RNF180: variants seen among roughly 807,000 people sequenced by gnomAD.
The protein encoded by RNF180 is ring finger protein 180.
A neutral mutation model predicts 59.2 loss-of-function variants in RNF180; 38 were observed. The ratio of observed to expected loss-of-function variants is 0.64; its 90% CI spans 0.50 to 0.84. The LOEUF (loss-of-function observed/expected upper bound fraction) is 0.84. Ranked by LOEUF, RNF180 falls within the 40% of genes least tolerant of loss-of-function variation. RNF180 has a pLI of 0.00. For missense variants in RNF180, 705 were observed against 700.9 expected (o/e 1.01, Z -0.07); for synonymous variants, 262 against 240.3 (o/e 1.09, Z -0.84).
intron 5 of RNF180, among the ~76,000 whole-genome samples, chr5:64,227,454 GC>G (rs1580058440): frequency 6.6e-6 from 1 of 152,308 alleles, no homozygotes; most frequent in East Asian, 1.9e-4. Context: ...GGCACCTGGA[GC>G]CCCGCCCTCC....
intron 5 of RNF180, among the ~76,000 whole-genome samples, chr5:64,256,918 G>T (rs558114658): frequency 6.6e-6 from 1 of 152,048 alleles, no homozygotes; most frequent in Admixed American, 6.6e-5. Flanking sequence ...GGTCCTTCAC[G>T]TCCCTTGTAA....
At chr5:64,279,010 T>C (rs1741866307) in intron 5 of RNF180, among the ~76,000 whole-genome samples, 1 of 152,134 alleles carries the variant, frequency 6.6e-6, no homozygotes, top group Non-Finnish European at 1.5e-5. Flanking sequence ...GATTAACAAG[T>C]AGTGGTTGAA....
intron 1 of RNF180, among the ~76,000 whole-genome samples, chr5:64,178,199 T>A (rs1289940767): frequency 1.7e-5 from 1 of 59,106 alleles, no homozygotes; most frequent in African/African-American, 6.2e-5. Context: ...CTAGACTCCA[T>A]CTCAAAAAAA....
At chr5:64,228,422 G>A (rs1367634193) in intron 5 of RNF180, among the ~76,000 whole-genome samples, 4 of 152,186 alleles carry the variant, frequency 2.6e-5, no homozygotes, top group Non-Finnish European at 5.9e-5. Context: ...GATGAGGTGG[G>A]AGGATCGCTT....
intron 5 of RNF180, among the ~76,000 whole-genome samples, chr5:64,248,331 T>C (rs1023675334): frequency 1.1e-4 from 17 of 152,074 alleles, no homozygotes; most frequent in Non-Finnish European, 2.1e-4. Context: ...ACCTACAGAA[T>C]GGAAGAAAAT....
At position 64,370,033 on chromosome 5, in the gene RNF180, C is replaced by T. The variant is rs902612128; in HGVS notation, c.*219C>T. 1.3e-4 allele frequency: 41 copies of T among 326,280 alleles called. No individual in the cohort carries two copies. The highest frequency in any genetic ancestry group is 1.9e-4 in the Non-Finnish European group (34 of 181,046). The allele number at this position is 326,280 out of a possible 1,614,324, so 20.2% of individuals were successfully genotyped here. A position where few individuals can be genotyped will look rare whatever the true frequency, so the allele number is the denominator to read the frequency against. Reference sequence around the variant, plus strand: ...ACCTACCCAGCACTTAGCAACAATGCACTATTAATTTCATAGTTGTTCTTG... The same window carrying T: ...ACCTACCCAGCACTTAGCAACAATGTACTATTAATTTCATAGTTGTTCTTG... On this transcript the variant is annotated 3_prime_UTR_variant, in exon 8 of 8. Coordinates refer to ENST00000389100, the MANE Select transcript of RNF180 (RefSeq NM_001113561.2).
At chr5:64,326,669 C>T (rs538324741) in intron 6 of RNF180, among the ~76,000 whole-genome samples, 7 of 152,162 alleles carry the variant, frequency 4.6e-5, no homozygotes, top group African/African-American at 1.2e-4. Flanking sequence ...GGATAAATCC[C>T]GCTTGGTCAT....
At chr5:64,233,984 A>G (rs1179228825) in intron 5 of RNF180, among the ~76,000 whole-genome samples, 1 of 152,206 alleles carries the variant, frequency 6.6e-6, no homozygotes, top group East Asian at 1.9e-4. Context: ...GAGAGGCAGT[A>G]TAATATATTG....
At chr5:64,234,473 AAAAT>A (rs1417094189) in intron 5 of RNF180, among the ~76,000 whole-genome samples, 3 of 148,830 alleles carry the variant, frequency 2.0e-5, no homozygotes, top group Admixed American at 6.6e-5. Context: ...CTCAAAAATA[AAAAT>A]AAATAAAGTT....
chr5:64,320,285 TG>T (rs2112507134), intron 5 of RNF180, among the ~76,000 whole-genome samples: 1 of 152,294 alleles, frequency 6.6e-6, no homozygotes, highest in African/African-American at 2.4e-5. Context: ...GACAACACCA[TG>T]GGAACTCCTT....
At chr5:64,264,119 A>G (rs1744516950) in intron 5 of RNF180, among the ~76,000 whole-genome samples, 1 of 152,102 alleles carries the variant, frequency 6.6e-6, no homozygotes, top group African/African-American at 2.4e-5. Flanking sequence ...TTGATGGATT[A>G]TGAAATCTCT....
At chr5:64,329,457 C>CTTT (rs558648872) in intron 6 of RNF180, among the ~76,000 whole-genome samples, 1 of 135,664 alleles carries the variant, frequency 7.4e-6, no homozygotes, top group Non-Finnish European at 1.6e-5. Flanking sequence ...CTTTTTTTTT[C>CTTT]TTTTTTTTTT....
chr5:64,276,376 T>A (rs537707253), intron 5 of RNF180, among the ~76,000 whole-genome samples: 1 of 143,862 alleles, frequency 7.0e-6, no homozygotes, highest in African/African-American at 2.6e-5. Flanking sequence ...ACCACATTGG[T>A]GTGTGTGTGT....
intron 7 of RNF180, among the ~76,000 whole-genome samples, chr5:64,362,244 T>G (rs1746284792): frequency 6.6e-6 from 1 of 151,464 alleles, no homozygotes. Flanking sequence ...CTCCCACCCT[T>G]TGCCTTCTGA....
intron 7 of RNF180, among the ~76,000 whole-genome samples, chr5:64,367,444 A>G: frequency 6.6e-6 from 1 of 151,744 alleles, no homozygotes. Context: ...ATAGAAAGTC[A>G]GCCAAGATCA....
intron 5 of RNF180, among the ~76,000 whole-genome samples, chr5:64,239,421 G>A (rs890962406): frequency 1.3e-5 from 2 of 152,136 alleles, no homozygotes; most frequent in Non-Finnish European, 2.9e-5. Context: ...TGCTTTTGCT[G>A]CACGTTACAT....
intron 1 of RNF180, among the ~76,000 whole-genome samples, chr5:64,176,339 T>C (rs530461332): frequency 6.6e-6 from 1 of 152,252 alleles, no homozygotes; most frequent in East Asian, 1.9e-4. Context: ...CTAATTTTAT[T>C]TGAGTCTCCT....
At chr5:64,256,383 T>C (rs1308705241) in intron 5 of RNF180, among the ~76,000 whole-genome samples, 5 of 152,182 alleles carry the variant, frequency 3.3e-5, no homozygotes, top group Non-Finnish European at 5.9e-5. Flanking sequence ...TTGTATAAGG[T>C]GTAAGGAAGG....
chr5:64,319,898 G>A (rs771154695), intron 5 of RNF180, among the ~76,000 whole-genome samples: 46 of 152,292 alleles, frequency 3.0e-4, no homozygotes, highest in Non-Finnish European at 4.4e-4. Flanking sequence ...TAGAACAGTG[G>A]GACTTTGGGG....
Sources: gnomAD v4.1 joint callset for allele counts (sites outside exome capture counted in the v4.1 genomes callset) on GRCh38, gnomAD v4.1.1 for gene constraint, MANE v1.5 for transcripts, NCBI Gene and HGNC (gene_info 2026-07-23, HGNC 2026-07-21) for gene names.